PPP3CC: variants seen among roughly 807,000 people sequenced by gnomAD.
The protein encoded by PPP3CC is serine/threonine-protein phosphatase 2B catalytic subunit gamma isoform.
PPP3CC carries 35 observed loss-of-function variants against 60.3 expected under a neutral mutation model. That is an observed-to-expected ratio of 0.58 (90% CI 0.44 to 0.77). PPP3CC has a LOEUF of 0.77. Among genes scored for constraint, PPP3CC ranks in the 30% least tolerant of loss-of-function variants. PPP3CC has a pLI of 0.00. For synonymous variants in PPP3CC, 206 were observed against 224.3 expected (o/e 0.92, Z 0.73); for missense variants, 570 against 628.9 (o/e 0.91, Z 1.00).
intron 3 of PPP3CC, chr8:22,493,047 G>A (rs1838455054): frequency 7.8e-6 from 11 of 1,411,298 alleles, no homozygotes; most frequent in Non-Finnish European, 9.9e-6. Context: ...TCCAGCTCTT[G>A]TGGAGAATTT....
At chr8:22,483,129 C>G (rs969454171) in intron 3 of PPP3CC, among the ~76,000 whole-genome samples, 79 of 152,232 alleles carry the variant, frequency 5.2e-4, no homozygotes, top group African/African-American at 1.8e-3. Context: ...GTATCAAAAC[C>G]TCTTGCAGTT....
In PPP3CC at chr8:22,508,859, C is replaced by A. The variant is rs564877457; in HGVS notation, c.485-2227C>A. On this transcript the variant is annotated intron_variant, in intron 4 of 13. Transcript: ENST00000240139. The stretch of plus-strand genomic sequence containing the variant: ...AATGCTGGATCTACTTTGAAATGGG[C>A]AAAATTTAAAACAAAGCAGAGTATA... Among the ~76,000 whole-genome samples, 6 of 152,116 alleles carry A rather than the reference C, an allele frequency of 3.9e-5. No individual in the cohort carries two copies. In the East Asian group the frequency reaches 1.2e-3, roughly 29 times the overall value.
At chr8:22,441,944 A>C (rs772833225) in intron 1 of PPP3CC, among the ~76,000 whole-genome samples, 1 of 152,144 alleles carries the variant, frequency 6.6e-6, no homozygotes, top group African/African-American at 2.4e-5. Context: ...GAATAAACTT[A>C]GTATGAACAA....
At chr8:22,531,252 C>A in intron 10 of PPP3CC, 1 of 1,474,696 alleles carries the variant, frequency 6.8e-7, no homozygotes, top group South Asian at 1.2e-5. Flanking sequence ...TTTCTCTTCT[C>A]ATATTTCTGT....
chr8:22,518,578 C>T (rs1395919500), intron 6 of PPP3CC, among the ~76,000 whole-genome samples: 2 of 152,050 alleles, frequency 1.3e-5, no homozygotes, highest in East Asian at 1.9e-4. Flanking sequence ...TTTGTATATG[C>T]GTATTAGGTC....
At chr8:22,459,754 A>G (rs368398765) in intron 1 of PPP3CC, among the ~76,000 whole-genome samples, 56 of 152,290 alleles carry the variant, frequency 3.7e-4, no homozygotes, top group African/African-American at 1.2e-3. Flanking sequence ...CTAATCCCCA[A>G]TGTAATGGTA....
chr8:22,477,584 T>TTA (rs1294397005), intron 3 of PPP3CC, among the ~76,000 whole-genome samples: 1 of 152,170 alleles, frequency 6.6e-6, no homozygotes, highest in Non-Finnish European at 1.5e-5. Context: ...ACGGTAAAGA[T>TTA]TAGAAGAATA....
At chr8:22,515,725 T>C (rs2469775) in intron 6 of PPP3CC, among the ~76,000 whole-genome samples, 68,373 of 151,584 alleles carry the variant, frequency 0.45, 15,380 homozygotes, top group East Asian at 0.55. Flanking sequence ...ATCGGTGATA[T>C]TGAATACCTT....
intron 3 of PPP3CC, among the ~76,000 whole-genome samples, chr8:22,485,904 C>T (rs1179192014): frequency 6.6e-6 from 1 of 152,142 alleles, no homozygotes; most frequent in Non-Finnish European, 1.5e-5. Context: ...TGAGTGATGG[C>T]AGTGGGTAAA....
chr8:22,514,007 G>A (rs1282962176), intron 6 of PPP3CC, among the ~76,000 whole-genome samples: 2 of 152,100 alleles, frequency 1.3e-5, no homozygotes, highest in African/African-American at 2.4e-5. Flanking sequence ...GCTCTTTGGG[G>A]TGCCTAGGCG....
chr8:22,441,537 G>T, intron 1 of PPP3CC, 79 bp downstream of exon 1: 2 of 1,423,714 alleles, frequency 1.4e-6, no homozygotes, highest in East Asian at 2.9e-5. Context: ...GCGGAGGGAG[G>T]CTGGGGCCGG....
At chr8:22,460,747 G>A (rs370993728) in intron 1 of PPP3CC, among the ~76,000 whole-genome samples, 1 of 152,102 alleles carries the variant, frequency 6.6e-6, no homozygotes, top group Non-Finnish European at 1.5e-5. Context: ...TGAGGAGTTC[G>A]AGGCTACCGT....
At chr8:22,520,467 C>G (rs1839376421) in intron 6 of PPP3CC, among the ~76,000 whole-genome samples, 2 of 152,112 alleles carry the variant, frequency 1.3e-5, no homozygotes, top group African/African-American at 4.8e-5. Context: ...TTGATGTTGT[C>G]CCATAAGTCC....
At chr8:22,462,373 G>A (rs2132448246) in intron 1 of PPP3CC, among the ~76,000 whole-genome samples, 1 of 152,312 alleles carries the variant, frequency 6.6e-6, no homozygotes, top group East Asian at 1.9e-4. Flanking sequence ...GCAATTTGTA[G>A]TGTAATTTCA....
chr8:22,496,485 C>CTTTTTTTTTTTTTTTTTTTTTTTTTT lies in PPP3CC; in HGVS notation c.373-1511_373-1486dup, dbSNP rs71206523. 6.2e-4 allele frequency among the ~76,000 whole-genome samples: 27 copies of CTTTTTTTTTTTTTTTTTTTTTTTTTT among 43,582 alleles called. 8 individuals carry two copies. Among genetic ancestry groups the CTTTTTTTTTTTTTTTTTTTTTTTTTT allele is most frequent in the East Asian group, 2.7e-3 (3 of 1,130 alleles). The allele number at this position is 43,582 out of a possible 152,430, so 28.6% of individuals were successfully genotyped here. On this transcript the variant is annotated intron_variant, in intron 3 of 13. Coordinates refer to ENST00000240139, the MANE Select transcript of PPP3CC (RefSeq NM_005605.5). ...AAGTTAAATTAGGGAGAACTGTAAT[C>CTTTTTTTTTTTTTTTTTTTTTTTTTT]TTTTTTTTTTTTTTTTTTTTTTTTT...
Position 22,532,321 on chromosome 8 carries a change from C to G in PPP3CC, c.1223+15C>G, listed in dbSNP as rs753069480. ...TCAATTCTTCGGTAAGGATGTCTGT[C>G]ATTACAGTGCGGATTAAAGGCATTT... On this transcript the variant is annotated intron_variant, in intron 11 of 13. Coordinates refer to ENST00000240139, the MANE Select transcript of PPP3CC (RefSeq NM_005605.5). The G allele has an allele frequency of 1.9e-6, 3 of 1,591,054 alleles. No individual in the cohort carries two copies. The highest frequency in any genetic ancestry group is 2.6e-6 in the Non-Finnish European group (3 of 1,160,286).
At chr8:22,495,988 A>G (rs879541340) in intron 3 of PPP3CC, among the ~76,000 whole-genome samples, 8 of 152,120 alleles carry the variant, frequency 5.3e-5, no homozygotes, top group Admixed American at 1.3e-4. Flanking sequence ...GAACTCACTC[A>G]TGTTTTCTTC....
intron 6 of PPP3CC, among the ~76,000 whole-genome samples, chr8:22,516,718 T>G (rs1276685860): frequency 6.6e-6 from 1 of 152,206 alleles, no homozygotes; most frequent in Non-Finnish European, 1.5e-5. Context: ...GAGTTTTATT[T>G]AGTGAAAGAT....
intron 1 of PPP3CC, among the ~76,000 whole-genome samples, chr8:22,469,134 A>C (rs1837636639): frequency 6.6e-6 from 1 of 152,232 alleles, no homozygotes; most frequent in Non-Finnish European, 1.5e-5. Flanking sequence ...ATATATACAC[A>C]ATGGAATATT....
Sources: allele counts gnomAD v4.1 joint callset (sites outside exome capture counted in the v4.1 genomes callset), GRCh38; gene constraint gnomAD v4.1.1; transcripts MANE v1.5; gene names NCBI Gene and HGNC (gene_info 2026-07-23, HGNC 2026-07-21).